Variants in CTRB1 observed in about 807,000 individuals in gnomAD.
The protein encoded by CTRB1 is chymotrypsinogen B1, also known as chymotrypsinogen B.
Under a neutral mutation model 20.4 loss-of-function variants are expected in CTRB1, and 15 were observed. The observed-to-expected ratio is 0.74, with a 90% CI of 0.49 to 1.13. The LOEUF is 1.13. Ranked by LOEUF, CTRB1 falls within the 50% of genes most tolerant of loss-of-function variation. The pLI is 0.00. For synonymous variants in CTRB1, 92 were observed against 128.4 expected, an observed-to-expected ratio of 0.72 and a Z score of 1.92; for missense variants, 227 against 290.1, an observed-to-expected ratio of 0.78 and a Z score of 1.58.
Position 75,221,326 on chromosome 16 carries a change from C to T in CTRB1, c.53-1442C>T, listed in dbSNP as rs1030678968. On this transcript the variant is annotated intron_variant, in intron 1 of 6. Transcript: ENST00000361017. ...GTTTTGTTTTCTGCTTCCAATGTGC[C>T]ATTTTATGGTGTGGAAGTAAAGTCC... Among the ~76,000 whole-genome samples, 5 of 152,210 alleles carry T rather than the reference C, an allele frequency of 3.3e-5. No individual in the cohort carries two copies. In the East Asian group the frequency reaches 9.7e-4, roughly 30 times the overall value.
At chr16:75,222,509 C>A in intron 1 of CTRB1, 2 of 545,516 alleles carry the variant, frequency 3.7e-6, no homozygotes, top group East Asian at 3.0e-5. Context: ...CTGTTTTCTG[C>A]TTCTTCAGGC....
intron 1 of CTRB1, 48 bp downstream of exon 1, chr16:75,219,107 G>C (rs1275993091): frequency 2.6e-6 from 4 of 1,544,710 alleles, no homozygotes; most frequent in Non-Finnish European, 3.5e-6. Flanking sequence ...CCCTGAGCCT[G>C]GCTGAGAGGG....
intron 1 of CTRB1, 35 bp downstream of exon 1, chr16:75,219,094 G>A: frequency 1.3e-6 from 2 of 1,561,846 alleles, no homozygotes; most frequent in East Asian, 2.3e-5. Context: ...TGTCCTGAGG[G>A]AGCCCTGAGC....
intron 1 of CTRB1, 175 bp from the exon 2 acceptor site, chr16:75,222,593 G>A: frequency 4.5e-6 from 3 of 665,292 alleles, no homozygotes; most frequent in Non-Finnish European, 7.5e-6. Flanking sequence ...CAGGCCGAGA[G>A]TTGGGAACGT....
At chr16:75,221,360 T>G (rs945394991) in intron 1 of CTRB1, among the ~76,000 whole-genome samples, 22 of 152,002 alleles carry the variant, frequency 1.4e-4, no homozygotes, top group Admixed American at 1.3e-3. Flanking sequence ...CCAGCTGTGT[T>G]TGTTTTGATT....
At chr16:75,224,587 T>TG in intron 6 of CTRB1, 118 bp from the exon 7 acceptor site, 1 of 1,202,552 alleles carries the variant, frequency 8.3e-7, no homozygotes, top group Non-Finnish European at 1.2e-6. Flanking sequence ...CAACAGCACA[T>TG]GCTGAGCCTT....
chr16:75,219,114 A>T, intron 1 of CTRB1, 55 bp downstream of exon 1: 1 of 1,537,816 alleles, frequency 6.5e-7, no homozygotes, highest in Non-Finnish European at 8.8e-7. Context: ...CCTGGCTGAG[A>T]GGGGGATCTG....
intron 1 of CTRB1, among the ~76,000 whole-genome samples, chr16:75,221,060 G>T (rs760350347): frequency 6.6e-6 from 1 of 152,132 alleles, no homozygotes; most frequent in Non-Finnish European, 1.5e-5. Context: ...ACCAGTTTTT[G>T]ATGCTCTGAA....
chr16:75,219,006 G>A lies in CTRB1; in HGVS notation c.-2G>A. ...AGGCCCCACACCTTCTGAGGCAGCG[G>A]CATGGCTTCCCTCTGGCTCCTCTCC... is the stretch of plus-strand genomic sequence containing the variant. On this transcript the variant is annotated 5_prime_UTR_variant, in exon 1 of 7. Coordinates refer to ENST00000361017, the MANE Select transcript of CTRB1 (RefSeq NM_001906.6). 1.3e-6 allele frequency: 2 copies of A among 1,585,192 alleles called. No homozygotes were observed. The highest frequency in any genetic ancestry group is 3.6e-5 in the Admixed American group (2 of 56,054).
chr16:75,219,358 G>C (rs1043328249), intron 1 of CTRB1, among the ~76,000 whole-genome samples: 3 of 151,918 alleles, frequency 2.0e-5, no homozygotes, highest in Admixed American at 6.6e-5. Context: ...GGTTTTTATT[G>C]TGCTGGGTAC....
chr16:75,219,139 C>T (rs2039042766), intron 1 of CTRB1, 80 bp downstream of exon 1: 7 of 1,432,922 alleles, frequency 4.9e-6, no homozygotes, highest in East Asian at 2.5e-5. Flanking sequence ...CCCTGCTCTG[C>T]CCCCTGGGGC....
At position 75,224,103 on chromosome 16, in the gene CTRB1, C is replaced by T. The variant is rs1423289898; in HGVS notation, c.545C>T (p.Ser182Phe). ...CAGCAGGCAGCCCTGCCCCTCCTGT[C>T]CAATGCCGAATGCAAGAAGTCCTGG... ...KLQQAALPLL[S>F]NAECKKSWGR... is the part of the protein sequence containing the mutation. The change falls in exon 6 of 7, where the codon TCC (serine) becomes TTC (phenylalanine). Residue 182 changes from serine to phenylalanine, a missense_variant. Ser to Phe is a radical substitution (Grantham distance 155). Transcript: ENST00000361017. 3.7e-5 allele frequency: 49 copies of T among 1,329,090 alleles called. No homozygotes were observed. The highest frequency in any genetic ancestry group is 5.0e-5 in the Non-Finnish European group (48 of 962,276). 82.3% of individuals were successfully genotyped at this position (1,329,090 alleles called of 1,614,324 possible).
At position 75,221,267 on chromosome 16, in the gene CTRB1, G is replaced by C. The variant is rs139332712; in HGVS notation, c.53-1501G>C. ...CTGGTCCTGACATAGCAGAGGCATG[G>C]TGGGCGTGTGTGGAACACCTGACTA... On this transcript the variant is annotated intron_variant, in intron 1 of 6. Transcript: ENST00000361017. Among the ~76,000 whole-genome samples the C allele has an allele frequency of 7.4e-3, 1,125 of 152,338 alleles. 10 individuals are homozygous for C. The highest frequency in any genetic ancestry group is 0.025 in the African/African-American group (1,033 of 41,576).
At chr16:75,222,687 G>C (rs897385831) in intron 1 of CTRB1, 81 bp from the exon 2 acceptor site, 1 of 1,450,658 alleles carries the variant, frequency 6.9e-7, no homozygotes, top group South Asian at 1.3e-5. Context: ...GACTGGGGTA[G>C]AACCGGGAGA....
At chr16:75,221,050 A>G (rs1180585518) in intron 1 of CTRB1, among the ~76,000 whole-genome samples, 1 of 152,134 alleles carries the variant, frequency 6.6e-6, no homozygotes, top group Admixed American at 6.5e-5. Context: ...CTATTACAAT[A>G]CCAGTTTTTG....
At chr16:75,224,583 C>T in intron 6 of CTRB1, 122 bp from the exon 7 acceptor site, 1 of 1,182,268 alleles carries the variant, frequency 8.5e-7, no homozygotes, top group Non-Finnish European at 1.2e-6. Context: ...CACGCAACAG[C>T]ACATGCTGAG....
chr16:75,220,388 T>C (rs1330659623), intron 1 of CTRB1, among the ~76,000 whole-genome samples: 1 of 152,206 alleles, frequency 6.6e-6, no homozygotes, highest in Non-Finnish European at 1.5e-5. Flanking sequence ...TTCACCATAT[T>C]GGTCAGGCTG....
At position 75,224,828 on chromosome 16, in the gene CTRB1, C is replaced by G; in HGVS notation, c.754C>G (p.Leu252Val). The G allele has an allele frequency of 5.6e-6, 9 of 1,614,020 alleles. No individual in the cohort carries two copies. Among genetic ancestry groups the G allele is most frequent in the Non-Finnish European group, 6.8e-6 (8 of 1,180,034 alleles). Residue 252 changes from leucine to valine, a missense_variant, in exon 7 of 7, where the codon CTC (leucine) becomes GTC (valine). By Grantham distance (32) the Leu-to-Val change is conservative. Coordinates refer to ENST00000361017, the MANE Select transcript of CTRB1 (RefSeq NM_001906.6). ...TGGCGTGTACGCCCGTGTCACCAAG[C>G]TCATACCTTGGGTGCAGAAGATCCT... ...SPGVYARVTK[L>V]IPWVQKILAA...
chr16:75,220,963 G>A (rs1035842631), intron 1 of CTRB1, among the ~76,000 whole-genome samples: 6 of 152,114 alleles, frequency 3.9e-5, no homozygotes, highest in Middle Eastern at 3.2e-3. Flanking sequence ...TCATCATATT[G>A]GCCAGGCTGG....
Sources: allele counts gnomAD v4.1 joint callset (sites outside exome capture counted in the v4.1 genomes callset), GRCh38; gene constraint gnomAD v4.1.1; transcripts MANE v1.5; gene names NCBI Gene and HGNC (gene_info 2026-07-23, HGNC 2026-07-21).